PIBF1: variants seen among roughly 807,000 people sequenced by gnomAD.
PIBF1 encodes progesterone-induced-blocking factor 1.
Under a neutral mutation model 112.5 loss-of-function variants are expected in PIBF1, and 90 were observed. The observed-to-expected ratio is 0.80, with a 90% CI of 0.67 to 0.95. The LOEUF is 0.95. Ranked by LOEUF, PIBF1 falls within the 40% of genes least tolerant of loss-of-function variation. PIBF1 has a pLI of 0.00. For missense variants in PIBF1, 915 were observed against 852.3 expected (o/e 1.07, Z -0.92); for synonymous variants, 301 against 288.6 (o/e 1.04, Z -0.44).
intron 12 of PIBF1, 97 bp from the exon 13 acceptor site, chr13:72,916,979 T>A (rs1024316510): frequency 3.6e-5 from 23 of 640,654 alleles, no homozygotes; most frequent in Non-Finnish European, 5.7e-5. Flanking sequence ...GTTTTTATCC[T>A]CCCTAATTTG....
rs1331485216 is a variant in PIBF1 at position 72,821,706 on chromosome 13, T to G, written c.673-143T>G. The G allele has an allele frequency of 9.2e-6, 5 of 542,220 alleles. No individual in the cohort carries two copies. In the African/African-American group the frequency reaches 9.9e-5, roughly 11 times the overall value. 33.6% of individuals were successfully genotyped at this position (542,220 alleles called of 1,614,324 possible). A position where few individuals can be genotyped will look rare whatever the true frequency, so the allele number is the denominator to read the frequency against. ...TTACTTGCCTTTGAATAGGGAAAAA[T>G]TACTAAATTTAAAAATTGAGGAATT... On this transcript the variant is annotated intron_variant, in intron 5 of 17. Transcript: ENST00000326291.
chr13:72,940,220 C>T (rs2041975367), intron 14 of PIBF1, among the ~76,000 whole-genome samples: 2 of 151,980 alleles, frequency 1.3e-5, no homozygotes, highest in Non-Finnish European at 2.9e-5. Flanking sequence ...AGTCTTTTTT[C>T]TGCTTTTCTT....
At chr13:72,823,407 C>G (rs9285281) in intron 6 of PIBF1, among the ~76,000 whole-genome samples, 40,426 of 151,924 alleles carry the variant, frequency 0.27, 6,667 homozygotes, top group East Asian at 0.47. Flanking sequence ...AAAATATAAC[C>G]TTGATCAAAA....
intron 11 of PIBF1, 106 bp downstream of exon 11, chr13:72,894,055 CACA>C (rs2040165741): frequency 9.7e-5 from 3 of 30,826 alleles, no homozygotes; most frequent in Non-Finnish European, 1.6e-4. Flanking sequence ...CACTATCCTG[CACA>C]AAAAAAAAAA....
chr13:72,853,590 T>C (rs1266413083), intron 9 of PIBF1, among the ~76,000 whole-genome samples: 4 of 152,178 alleles, frequency 2.6e-5, no homozygotes, highest in African/African-American at 9.7e-5. Context: ...TTCCTTCCTA[T>C]ATAACTGAGA....
chr13:72,846,259 C>G (rs2037875379), intron 9 of PIBF1, among the ~76,000 whole-genome samples: 1 of 152,146 alleles, frequency 6.6e-6, no homozygotes, highest in Non-Finnish European at 1.5e-5. Context: ...TCCACTTGCC[C>G]AGACCAAAAA....
intron 10 of PIBF1, among the ~76,000 whole-genome samples, chr13:72,875,036 A>T (rs1053026516): frequency 1.4e-4 from 22 of 152,264 alleles, no homozygotes; most frequent in African/African-American, 5.3e-4. Context: ...TACATTCTGT[A>T]TGTTTGGACA....
intron 11 of PIBF1, 72 bp from the exon 12 acceptor site, chr13:72,908,459 T>G (rs773101113): frequency 2.2e-6 from 2 of 927,752 alleles, no homozygotes; most frequent in African/African-American, 1.7e-5. Flanking sequence ...ATGAATGTCT[T>G]TGCATCATGT....
At chr13:72,963,973 C>T (rs987014829) in intron 14 of PIBF1, among the ~76,000 whole-genome samples, 1 of 152,140 alleles carries the variant, frequency 6.6e-6, no homozygotes, top group African/African-American at 2.4e-5. Context: ...AGTTCTACTC[C>T]ACTTCTAGGT....
chr13:72,904,701 A>G (rs2040630119), intron 11 of PIBF1, among the ~76,000 whole-genome samples: 1 of 151,784 alleles, frequency 6.6e-6, no homozygotes. Context: ...TTGTCCTCCC[A>G]AAGTGCTGGG....
intron 16 of PIBF1, among the ~76,000 whole-genome samples, chr13:72,996,987 A>G (rs1344042248): frequency 6.6e-6 from 1 of 152,202 alleles, no homozygotes; most frequent in Non-Finnish European, 1.5e-5. Flanking sequence ...TTTTTTGTAC[A>G]GTCACATTAA....
chr13:72,792,565 TAA>T lies in PIBF1; in HGVS notation c.353+27_353+28del. The T allele has an allele frequency of 1.7e-6, 2 of 1,179,610 alleles. No homozygotes were observed. Among genetic ancestry groups the T allele is most frequent in the Middle Eastern group, 2.0e-4 (1 of 4,920 alleles). 73.1% of individuals were successfully genotyped at this position (1,179,610 alleles called of 1,614,324 possible). On this transcript the variant is annotated intron_variant, in intron 3 of 17. Transcript: ENST00000326291. ...GATGCCAGGTAAGAAAAGTTTTTTT[TAA>T]AAAAAAAACAACATCTATTTAGCAA... is the stretch of plus-strand genomic sequence containing the variant.
intron 10 of PIBF1, among the ~76,000 whole-genome samples, chr13:72,869,438 G>C (rs2039063368): frequency 7.1e-6 from 1 of 140,696 alleles, no homozygotes; most frequent in African/African-American, 2.6e-5. Context: ...GACACAGGAA[G>C]GGGAACATCA....
intron 16 of PIBF1, among the ~76,000 whole-genome samples, chr13:72,981,073 T>C (rs1966238): frequency 0.99 from 150,470 of 151,438 alleles, 74,762 homozygotes; most frequent in Middle Eastern, 1. Context: ...GGTGAAACCC[T>C]GTCTCTACTA....
At chr13:72,831,900 A>G (rs1161473315) in intron 8 of PIBF1, among the ~76,000 whole-genome samples, 2 of 152,046 alleles carry the variant, frequency 1.3e-5, no homozygotes, top group African/African-American at 2.4e-5. Context: ...GTAGGTCTCT[A>G]AGAACTTCCT....
At chr13:72,789,716 A>C (rs1214376584) in intron 2 of PIBF1, among the ~76,000 whole-genome samples, 1 of 151,778 alleles carries the variant, frequency 6.6e-6, no homozygotes, top group Non-Finnish European at 1.5e-5. Flanking sequence ...GAAATATTTC[A>C]GATTTTTGAT....
intron 10 of PIBF1, among the ~76,000 whole-genome samples, chr13:72,869,138 T>A (rs1053611817): frequency 1.3e-5 from 2 of 152,106 alleles, no homozygotes; most frequent in Non-Finnish European, 2.9e-5. Context: ...AGGACTATAA[T>A]TCATGCTGCT....
chr13:72,865,997 A>G (rs943871881), intron 10 of PIBF1, among the ~76,000 whole-genome samples: 2 of 152,166 alleles, frequency 1.3e-5, no homozygotes, highest in African/African-American at 2.4e-5. Flanking sequence ...AGATGTTGAC[A>G]TGGCTTTACT....
intron 14 of PIBF1, among the ~76,000 whole-genome samples, chr13:72,932,085 C>T (rs2041728093): frequency 6.6e-6 from 1 of 151,424 alleles, no homozygotes; most frequent in Non-Finnish European, 1.5e-5. Flanking sequence ...GGAACTGTAG[C>T]TACGCACTAC....
Sources: gnomAD v4.1 joint callset for allele counts (sites outside exome capture counted in the v4.1 genomes callset) on GRCh38, gnomAD v4.1.1 for gene constraint, MANE v1.5 for transcripts, NCBI Gene and HGNC (gene_info 2026-07-23, HGNC 2026-07-21) for gene names.